Variants in SCHIP1 observed in about 807,000 individuals in gnomAD.
SCHIP1 encodes the protein schwannomin-interacting protein 1.
A neutral mutation model predicts 29.7 loss-of-function variants in SCHIP1; 8 were observed. The observed-to-expected ratio is 0.27, with a 90% CI of 0.16 to 0.49. SCHIP1 has a LOEUF of 0.49. SCHIP1 is among the 20% of genes least tolerant of loss of function. The pLI, the probability that SCHIP1 is intolerant of heterozygous loss-of-function variation, is 0.99. For synonymous variants in SCHIP1, 76 were observed against 94.9 expected (o/e 0.80, Z 1.16); for missense variants, 193 against 294.6 (o/e 0.66, Z 2.52).
At chr3:159,401,352 T>C in the SCHIP1 span, 3 of 972,714 alleles carry the variant, frequency 3.1e-6, no homozygotes, top group Non-Finnish European at 2.4e-6. Flanking sequence ...CTAAGTGGGA[T>C]GTAGTTCTAA....
the SCHIP1 span, among the ~76,000 whole-genome samples, chr3:159,621,296 G>A: frequency 6.6e-6 from 1 of 152,210 alleles, no homozygotes; most frequent in African/African-American, 2.4e-5. Flanking sequence ...TATACTGTAA[G>A]TACCATAATG....
At chr3:159,455,115 T>C in the SCHIP1 span, among the ~76,000 whole-genome samples, 1 of 152,228 alleles carries the variant, frequency 6.6e-6, no homozygotes, top group Admixed American at 6.5e-5. Flanking sequence ...ACTGGATTTT[T>C]CCCAGCTACC....
chr3:159,879,382 T>G (rs1258513809), intron 2 of SCHIP1, among the ~76,000 whole-genome samples: 5 of 152,178 alleles, frequency 3.3e-5, no homozygotes, highest in African/African-American at 1.2e-4. Context: ...TGTTGTGATA[T>G]TGTGTAATTT....
At chr3:159,276,147 A>G in the SCHIP1 span, among the ~76,000 whole-genome samples, 22 of 152,172 alleles carry the variant, frequency 1.4e-4, no homozygotes, top group Non-Finnish European at 2.2e-4. Context: ...TCTTGGAAAT[A>G]GTTCTTACAT....
At chr3:159,594,423 A>G in the SCHIP1 span, among the ~76,000 whole-genome samples, 6 of 152,218 alleles carry the variant, frequency 3.9e-5, no homozygotes, top group Non-Finnish European at 7.3e-5. Flanking sequence ...CAATTGAAGG[A>G]AGTTAGTAAT....
the SCHIP1 span, among the ~76,000 whole-genome samples, chr3:159,775,939 A>T: frequency 6.6e-6 from 1 of 152,246 alleles, no homozygotes. Context: ...AAACAAAAGC[A>T]GAAAAGCTGC....
the SCHIP1 span, among the ~76,000 whole-genome samples, chr3:159,471,777 A>G: frequency 6.6e-6 from 1 of 152,156 alleles, no homozygotes; most frequent in South Asian, 2.1e-4. Flanking sequence ...TAACTAGTGG[A>G]ACATAAAGAA....
At chr3:159,534,327 G>T in the SCHIP1 span, among the ~76,000 whole-genome samples, 167 of 152,250 alleles carry the variant, frequency 1.1e-3, 1 homozygote, top group African/African-American at 3.8e-3. Context: ...AGTAGACTGG[G>T]TGAAGGCTGG....
the SCHIP1 span, among the ~76,000 whole-genome samples, chr3:159,496,706 A>G: frequency 1.3e-5 from 2 of 152,222 alleles, no homozygotes; most frequent in African/African-American, 4.8e-5. Context: ...GCGATTTCTC[A>G]GGGATCTAGA....
the SCHIP1 span, among the ~76,000 whole-genome samples, chr3:159,373,712 A>T: frequency 2.0e-5 from 3 of 152,098 alleles, no homozygotes; most frequent in African/African-American, 7.2e-5. Context: ...CTCCAATTCC[A>T]TCCATGTTGT....
chr3:159,615,130 G>A, the SCHIP1 span, among the ~76,000 whole-genome samples: 2 of 152,192 alleles, frequency 1.3e-5, no homozygotes, highest in Admixed American at 6.5e-5. Flanking sequence ...ACGGGGTAGA[G>A]GTAAGGGCAT....
At chr3:159,369,199 C>A in the SCHIP1 span, among the ~76,000 whole-genome samples, 1 of 152,326 alleles carries the variant, frequency 6.6e-6, no homozygotes, top group East Asian at 1.9e-4. Context: ...TCTTCAGTAA[C>A]AACCTGTTAA....
At chr3:159,740,443 C>T in the SCHIP1 span, among the ~76,000 whole-genome samples, 1 of 152,176 alleles carries the variant, frequency 6.6e-6, no homozygotes, top group African/African-American at 2.4e-5. Flanking sequence ...CACACCACAG[C>T]TTCCAACTAA....
chr3:159,433,511 T>C, the SCHIP1 span, among the ~76,000 whole-genome samples: 3 of 152,184 alleles, frequency 2.0e-5, no homozygotes, highest in African/African-American at 7.2e-5. Flanking sequence ...TTTCCATTAT[T>C]CTCAAATGAC....
the SCHIP1 span, among the ~76,000 whole-genome samples, chr3:159,292,296 A>G: frequency 6.6e-6 from 1 of 152,116 alleles, no homozygotes; most frequent in Non-Finnish European, 1.5e-5. Flanking sequence ...AATCTGGGTA[A>G]TGGATACATG....
At chr3:159,800,439 G>T in the SCHIP1 span, among the ~76,000 whole-genome samples, 1 of 152,182 alleles carries the variant, frequency 6.6e-6, no homozygotes, top group Non-Finnish European at 1.5e-5. Flanking sequence ...CAAAGCCAGG[G>T]TCGGAAACTC....
chr3:159,891,600 A>G (rs1717552094), intron 5 of SCHIP1, among the ~76,000 whole-genome samples: 1 of 152,188 alleles, frequency 6.6e-6, no homozygotes, highest in South Asian at 2.1e-4. Flanking sequence ...TTTCTCCTAA[A>G]ACAATCTGCA....
chr3:159,318,281 A>T, the SCHIP1 span, among the ~76,000 whole-genome samples: 1 of 152,170 alleles, frequency 6.6e-6, no homozygotes, highest in South Asian at 2.1e-4. Flanking sequence ...CCACTCAGAG[A>T]GGTCCATCCA....
At chr3:159,301,576 C>T in the SCHIP1 span, among the ~76,000 whole-genome samples, 4 of 152,072 alleles carry the variant, frequency 2.6e-5, no homozygotes, top group East Asian at 5.8e-4. Context: ...AGAAGAGGGG[C>T]CTAATGGGAG....
Sources: gnomAD v4.1 joint callset for allele counts (sites outside exome capture counted in the v4.1 genomes callset) on GRCh38, gnomAD v4.1.1 for gene constraint, MANE v1.5 for transcripts, NCBI Gene and HGNC (gene_info 2026-07-23, HGNC 2026-07-21) for gene names.